Variants in GPHN observed in about 807,000 individuals in gnomAD.
GPHN encodes gephyrin.
A neutral mutation model predicts 95.5 loss-of-function variants in GPHN; 17 were observed. That is an observed-to-expected ratio of 0.18 (90% CI 0.12 to 0.27). The LOEUF is 0.27. Ranked by LOEUF, GPHN falls within the 10% of genes least tolerant of loss-of-function variation. The pLI is 1.00. For missense variants in GPHN, 660 were observed against 978.1 expected, an observed-to-expected ratio of 0.67 and a Z score of 4.34; for synonymous variants, 320 against 322.5, an observed-to-expected ratio of 0.99 and a Z score of 0.08.
chr14:67,150,389 C>T (rs1410837183), intron 18 of GPHN, among the ~76,000 whole-genome samples: 1 of 131,598 alleles, frequency 7.6e-6, no homozygotes, highest in Non-Finnish European at 1.5e-5. Flanking sequence ...TGCAGTGAGC[C>T]GAGATCCCGC....
chr14:66,605,473 A>G lies in GPHN; in HGVS notation c.65-75634A>G, dbSNP rs113722111. On this transcript the variant is annotated intron_variant, in intron 1 of 22. Transcript: ENST00000478722. ...TAGTGATGATGAACATTTTTCATTTATTTCTTGGCCACTTACAATGTCTTC... is the reference window on the plus strand; with the variant it reads ...TAGTGATGATGAACATTTTTCATTTGTTTCTTGGCCACTTACAATGTCTTC... Among the ~76,000 whole-genome samples, 551 of 144,604 alleles carry G rather than the reference A, an allele frequency of 3.8e-3. 12 individuals carry two copies. The highest frequency in any genetic ancestry group is 0.014 in the African/African-American group (525 of 38,474). The allele number at this position is 144,604 out of a possible 152,430, so 94.9% of individuals were successfully genotyped here. A position where few individuals can be genotyped will look rare whatever the true frequency, so the allele number is the denominator to read the frequency against.
intron 9 of GPHN, among the ~76,000 whole-genome samples, chr14:66,970,943 A>G (rs2069720839): frequency 6.6e-6 from 1 of 152,200 alleles, no homozygotes; most frequent in Non-Finnish European, 1.5e-5. Flanking sequence ...CATTTCTCAA[A>G]CATACTGGTC....
intron 9 of GPHN, among the ~76,000 whole-genome samples, chr14:66,992,007 C>A (rs2071461820): frequency 6.6e-6 from 1 of 151,372 alleles, no homozygotes; most frequent in East Asian, 1.9e-4. Context: ...CCAAAGAGAG[C>A]CTAAATATTA....
chr14:67,219,785 G>A, the GPHN span, among the ~76,000 whole-genome samples: 3 of 152,008 alleles, frequency 2.0e-5, no homozygotes, highest in South Asian at 4.2e-4. Context: ...AGCTCCCTAC[G>A]CCATTTATCA....
At chr14:66,972,192 C>T (rs1395457089) in intron 9 of GPHN, among the ~76,000 whole-genome samples, 1 of 146,126 alleles carries the variant, frequency 6.8e-6, no homozygotes, top group African/African-American at 2.5e-5. Context: ...CACTTGAACC[C>T]AAGAGGTGGA....
chr14:67,451,156 T>G, the GPHN span, among the ~76,000 whole-genome samples: 1 of 152,206 alleles, frequency 6.6e-6, no homozygotes, highest in African/African-American at 2.4e-5. Context: ...TTTGGGACCC[T>G]CCTCCTAGAT....
chr14:67,532,793 T>C, the GPHN span, among the ~76,000 whole-genome samples: 1 of 152,236 alleles, frequency 6.6e-6, no homozygotes, highest in African/African-American at 2.4e-5. Context: ...GGACTTCTGT[T>C]CCAAATATCC....
At chr14:67,592,670 G>T in the GPHN span, 21 of 1,608,858 alleles carry the variant, frequency 1.3e-5, no homozygotes, top group Admixed American at 3.2e-4. Flanking sequence ...ATCCCATGTG[G>T]TTCCACTGGA....
At chr14:67,491,883 G>A in the GPHN span, among the ~76,000 whole-genome samples, 1 of 152,220 alleles carries the variant, frequency 6.6e-6, no homozygotes, top group African/African-American at 2.4e-5. Context: ...AGCAAGGAGA[G>A]GCCCAGGCCG....
intron 1 of GPHN, among the ~76,000 whole-genome samples, chr14:66,617,295 A>G (rs568715344): frequency 2.6e-5 from 4 of 152,192 alleles, no homozygotes; most frequent in Non-Finnish European, 4.4e-5. Flanking sequence ...CTGAAAGGCT[A>G]TTGAGAATCT....
the GPHN span, among the ~76,000 whole-genome samples, chr14:67,542,881 G>A: frequency 6.6e-6 from 1 of 151,982 alleles, no homozygotes; most frequent in Non-Finnish European, 1.5e-5. Flanking sequence ...TGTGTTATTA[G>A]TAGAGACGTG....
At chr14:67,422,223 C>T in the GPHN span, among the ~76,000 whole-genome samples, 3 of 152,074 alleles carry the variant, frequency 2.0e-5, no homozygotes, top group Admixed American at 2.0e-4. Flanking sequence ...CTTAGAGCAC[C>T]CTCCATAACA....
chr14:67,500,766 T>C, the GPHN span, among the ~76,000 whole-genome samples: 1 of 151,492 alleles, frequency 6.6e-6, no homozygotes, highest in African/African-American at 2.4e-5. Context: ...AGAGACGGGG[T>C]TTCACCGTGT....
At chr14:67,167,545 A>G (rs1027043747) in intron 20 of GPHN, among the ~76,000 whole-genome samples, 5 of 152,202 alleles carry the variant, frequency 3.3e-5, no homozygotes, top group Non-Finnish European at 5.9e-5. Context: ...ATTCTTAAGC[A>G]CTTTTGCAGG....
chr14:67,224,618 CT>C, the GPHN span: 2 of 288,322 alleles, frequency 6.9e-6, no homozygotes, highest in African/African-American at 2.3e-5. Context: ...TTCTCCTTAA[CT>C]TTTAAATTTT....
chr14:67,153,019 G>A (rs2081371646), intron 18 of GPHN, among the ~76,000 whole-genome samples: 1 of 151,018 alleles, frequency 6.6e-6, no homozygotes, highest in Non-Finnish European at 1.5e-5. Flanking sequence ...AAATACCAAA[G>A]TCCAGGTGCA....
At chr14:66,731,973 C>A (rs1196869782) in intron 2 of GPHN, among the ~76,000 whole-genome samples, 1 of 152,170 alleles carries the variant, frequency 6.6e-6, no homozygotes, top group Non-Finnish European at 1.5e-5. Flanking sequence ...TTAGTGGCTT[C>A]CATGTGGTGT....
chr14:66,648,645 A>G (rs1315280975), intron 1 of GPHN, among the ~76,000 whole-genome samples: 1 of 152,192 alleles, frequency 6.6e-6, no homozygotes, highest in Non-Finnish European at 1.5e-5. Context: ...GATTTGTGTA[A>G]GAATAGACTG....
chr14:66,827,224 C>T (rs1596041468), intron 4 of GPHN, among the ~76,000 whole-genome samples: 2 of 151,622 alleles, frequency 1.3e-5, no homozygotes, highest in Admixed American at 1.3e-4. Context: ...GTAGAGGTTT[C>T]GGCGAGCAGA....
Sources: gnomAD v4.1 joint callset for allele counts (sites outside exome capture counted in the v4.1 genomes callset) on GRCh38, gnomAD v4.1.1 for gene constraint, MANE v1.5 for transcripts, NCBI Gene and HGNC (gene_info 2026-07-23, HGNC 2026-07-21) for gene names.